The following CECR2 variants were observed in gnomAD, a reference collection of about 807,000 sequenced individuals.
The protein encoded by CECR2 is chromatin remodeling regulator CECR2.
Under a neutral mutation model 154.5 loss-of-function variants are expected in CECR2, and 30 were observed. That is an observed-to-expected ratio of 0.19 (90% CI 0.15 to 0.26). CECR2 has a LOEUF of 0.26. CECR2 is among the 10% of genes least tolerant of loss of function. CECR2 has a pLI of 1.00. For synonymous variants in CECR2, 725 were observed against 683.7 expected, an observed-to-expected ratio of 1.06 and a Z score of -0.94; for missense variants, 1,743 against 1,829.3, an observed-to-expected ratio of 0.95 and a Z score of 0.86.
intron 1 of CECR2, among the ~76,000 whole-genome samples, chr22:17,441,067 G>T (rs981734383): frequency 6.6e-6 from 1 of 152,080 alleles, no homozygotes; most frequent in African/African-American, 2.4e-5. Context: ...TCCTGCCACA[G>T]CCTCCAGAGT....
intron 1 of CECR2, among the ~76,000 whole-genome samples, chr22:17,441,609 C>G (rs915265991): frequency 7.4e-6 from 1 of 135,546 alleles, no homozygotes; most frequent in Non-Finnish European, 1.5e-5. Flanking sequence ...CCCCACCCCC[C>G]GTTACTTGAA....
intron 2 of CECR2, among the ~76,000 whole-genome samples, chr22:17,488,131 C>A (rs189758585): frequency 7.9e-5 from 12 of 152,318 alleles, no homozygotes; most frequent in Non-Finnish European, 7.3e-5. Context: ...ATCTGCCCCC[C>A]CTTGGCCTCC....
At chr22:17,510,557 T>A (rs1373924706) in intron 7 of CECR2, among the ~76,000 whole-genome samples, 1 of 152,184 alleles carries the variant, frequency 6.6e-6, no homozygotes, top group African/African-American at 2.4e-5. Context: ...TGACAGCGTT[T>A]GATAATTGGG....
chr22:17,366,186 GTT>G (rs1295482126), upstream of CECR2, among the ~76,000 whole-genome samples: 4 of 151,914 alleles, frequency 2.6e-5, no homozygotes, highest in Non-Finnish European at 5.9e-5. Flanking sequence ...TATGAGCTGT[GTT>G]TTTTCTTTTT....
intron 1 of CECR2, among the ~76,000 whole-genome samples, chr22:17,446,859 T>G (rs1024878825): frequency 5.9e-5 from 9 of 152,146 alleles, no homozygotes; most frequent in African/African-American, 2.2e-4. Context: ...TATTCCCTTA[T>G]TTGGCCCCGC....
rs533836399 is a variant in CECR2 at position 17,523,821 on chromosome 22, A to G, written c.955-297A>G. Among the ~76,000 whole-genome samples the G allele has an allele frequency of 1.3e-3, 195 of 151,986 alleles. No individual in the cohort carries two copies. The Middle Eastern group carries it at 0.014, about 11-fold the overall frequency. ...TCAGATGTTAACTCTAAAGAAACAC[A>G]TCTCTGAACTGCCCCAGTTTCTCTT... On this transcript the variant is annotated intron_variant, in intron 8 of 18. Coordinates refer to ENST00000262608, the MANE Select transcript of CECR2 (RefSeq NM_001290047.2).
chr22:17,425,311 T>G (rs939000899), intron 1 of CECR2, among the ~76,000 whole-genome samples: 2 of 152,082 alleles, frequency 1.3e-5, no homozygotes, highest in African/African-American at 4.8e-5. Context: ...CTGGAATGAT[T>G]TTTGGTGTGA....
At chr22:17,424,590 A>G (rs1448551412) in intron 1 of CECR2, 1 of 158,778 alleles carries the variant, frequency 6.3e-6, no homozygotes, top group South Asian at 2.1e-4. Flanking sequence ...ATCTCTCCTC[A>G]CACTTCCAGG....
rs939214445 is a variant in CECR2 at position 17,429,853 on chromosome 22, T to G, written c.127-47735T>G. ...TTTTCATTCATGGTCAGAGTGGCAG[T>G]AAGAAGTCCTATATGGCTGGTGGAA... is the stretch of plus-strand genomic sequence containing the variant. On this transcript the variant is annotated intron_variant, in intron 1 of 18. Coordinates refer to ENST00000262608, the MANE Select transcript of CECR2 (RefSeq NM_001290047.2). 3.2e-4 allele frequency among the ~76,000 whole-genome samples: 49 copies of G among 152,308 alleles called. 1 individual carries two copies. In the Middle Eastern group the frequency reaches 0.01, roughly 32 times the overall value.
At chr22:17,365,519 C>G (rs1229410313), upstream of CECR2, among the ~76,000 whole-genome samples, 3 of 151,598 alleles carry the variant, frequency 2.0e-5, no homozygotes, top group Admixed American at 2.0e-4. Flanking sequence ...ACGGTGAAAC[C>G]CCGTCTCTAC....
chr22:17,425,565 A>G (rs1416393070), intron 1 of CECR2, among the ~76,000 whole-genome samples: 1 of 152,200 alleles, frequency 6.6e-6, no homozygotes, highest in Non-Finnish European at 1.5e-5. Flanking sequence ...ATACATCTAA[A>G]TGAGACTTGG....
At chr22:17,439,797 C>T (rs1466022775) in intron 1 of CECR2, among the ~76,000 whole-genome samples, 3 of 152,138 alleles carry the variant, frequency 2.0e-5, no homozygotes, top group Non-Finnish European at 2.9e-5. Context: ...AATGTCATTG[C>T]AGCGTGGTTC....
At chr22:17,475,556 T>A (rs910352867) in intron 1 of CECR2, among the ~76,000 whole-genome samples, 5 of 152,142 alleles carry the variant, frequency 3.3e-5, no homozygotes, top group African/African-American at 1.2e-4. Context: ...GCCTCCCAAG[T>A]GTCTGGGACT....
At chr22:17,520,922 G>A (rs2056147250) in intron 8 of CECR2, among the ~76,000 whole-genome samples, 1 of 152,136 alleles carries the variant, frequency 6.6e-6, no homozygotes, top group South Asian at 2.1e-4. Context: ...TGTCTTTATA[G>A]TAGCATGATT....
rs1483922168 is a variant in CECR2, at chr22:17,554,713, A to G, written c.*1873A>G. ...TTAAATTTGATGTATTTGCAAGTGG[A>G]TTGAGTTTTGAGCCTGTGTTCTCAC... On this transcript the variant is annotated 3_prime_UTR_variant, in exon 19 of 19. Coordinates refer to ENST00000262608, the MANE Select transcript of CECR2 (RefSeq NM_001290047.2). 1 of 152,200 alleles carries G rather than the reference A, an allele frequency of 6.6e-6. No homozygotes were observed. Among genetic ancestry groups the G allele is most frequent in the Non-Finnish European group, 1.5e-5 (1 of 68,034 alleles). 9.4% of individuals were successfully genotyped at this position (152,200 alleles called of 1,614,324 possible).
chr22:17,514,223 G>T (rs891320418), intron 8 of CECR2, among the ~76,000 whole-genome samples: 1 of 152,160 alleles, frequency 6.6e-6, no homozygotes, highest in Admixed American at 6.5e-5. Flanking sequence ...GGTTATTTTT[G>T]TCCGGACACT....
At chr22:17,394,802 T>C (rs1269742256) in intron 1 of CECR2, among the ~76,000 whole-genome samples, 4 of 152,352 alleles carry the variant, frequency 2.6e-5, no homozygotes, top group African/African-American at 9.6e-5. Context: ...TTTATTTAGA[T>C]CTTTGATTTC....
intron 2 of CECR2, among the ~76,000 whole-genome samples, chr22:17,486,899 C>G (rs2055431149): frequency 6.6e-6 from 1 of 152,114 alleles, no homozygotes; most frequent in South Asian, 2.1e-4. Flanking sequence ...CTGGGCCTCA[C>G]CAGCGTTTCA....
intron 1 of CECR2, among the ~76,000 whole-genome samples, chr22:17,432,910 G>C (rs893234260): frequency 1.3e-5 from 2 of 152,208 alleles, no homozygotes; most frequent in African/African-American, 2.4e-5. Flanking sequence ...CTTTAACAGA[G>C]ACTTGTTCAT....
Sources: gnomAD v4.1 joint callset for allele counts (sites outside exome capture counted in the v4.1 genomes callset) on GRCh38, gnomAD v4.1.1 for gene constraint, MANE v1.5 for transcripts, NCBI Gene and HGNC (gene_info 2026-07-23, HGNC 2026-07-21) for gene names.